The following APOBEC2 variants were observed in gnomAD, a reference collection of about 807,000 sequenced individuals.
APOBEC2 encodes the protein C->U-editing enzyme APOBEC-2.
A neutral mutation model predicts 19.4 loss-of-function variants in APOBEC2; 14 were observed. The ratio of observed to expected loss-of-function variants is 0.72; its 90% confidence interval spans 0.48 to 1.13. The LOEUF is 1.13. APOBEC2 is among the 50% of genes most tolerant of loss of function. The pLI is 0.00. For missense variants in APOBEC2, 304 were observed against 277.0 expected (o/e 1.10, Z -0.69); for synonymous variants, 127 against 112.1 (o/e 1.13, Z -0.84).
At chr6:41,061,949 G>T in intron 2 of APOBEC2, 57 bp downstream of exon 2, 1 of 1,456,122 alleles carries the variant, frequency 6.9e-7, no homozygotes, top group Non-Finnish European at 9.2e-7. Flanking sequence ...CCAGTAGAAG[G>T]TGTGAGGTCA....
rs776505763 is a variant in APOBEC2 at position 41,061,741 on chromosome 6, AG to A, written c.547del (p.Asp183ThrfsTer41). 111 of 1,614,120 alleles carry A rather than the reference AG, an allele frequency of 6.9e-5. No homozygotes were observed. Among genetic ancestry groups the A allele is most frequent in the Non-Finnish European group, 9.3e-5 (110 of 1,180,054 alleles). ...TGTAAACTGCGCATCATGAAGCCCC[AG>A]GACTTCGAATATGTCTGGCAGAATT... The part of the protein sequence containing the change: ...AGCKLRIMKP[Q>X]DFEYVWQNFV... On this transcript the variant is annotated frameshift_variant, in exon 2 of 3. Transcript: ENST00000244669. LOFTEE classifies it high-confidence loss of function.
Position 41,061,677 on chromosome 6 carries a change from G to C in APOBEC2, c.481G>C (p.Glu161Gln). Residue 161 changes from glutamate to glutamine, a missense_variant, in exon 2 of 3, where the codon GAG becomes CAG. Coordinates refer to ENST00000244669, the MANE Select transcript of APOBEC2 (RefSeq NM_006789.4). ...TCGACTCTTCATGTGGGAGGAGCCG[G>C]AGATCCAGGCTGCTCTGAAGAAGCT... ...VGRLFMWEEP[E>Q]IQAALKKLKE... The C allele has an allele frequency of 6.2e-7, 1 of 1,614,230 alleles. No homozygotes were observed. Among genetic ancestry groups the C allele is most frequent in the African/African-American group, 1.3e-5 (1 of 75,058 alleles).
In APOBEC2 at chr6:41,064,227, G is replaced by C. The variant is rs1439944602; in HGVS notation, c.*148G>C. 6.6e-6 allele frequency: 1 copy of C among 152,504 alleles called. No individual in the cohort carries two copies. The highest frequency in any genetic ancestry group is 6.6e-5 in the Admixed American group (1 of 15,258). 9.4% of individuals were successfully genotyped at this position (152,504 alleles called of 1,614,324 possible). ...CCAATCATACTGGACAAGGCCCTTAGAGGACTTGAAATATACTTCTCATGC... is the reference window on the plus strand; with the variant it reads ...CCAATCATACTGGACAAGGCCCTTACAGGACTTGAAATATACTTCTCATGC... On this transcript the variant is annotated 3_prime_UTR_variant, in exon 3 of 3. Coordinates refer to ENST00000244669, the MANE Select transcript of APOBEC2 (RefSeq NM_006789.4).
At chr6:41,054,515 G>C (rs889798815) in intron 1 of APOBEC2, among the ~76,000 whole-genome samples, 1 of 152,214 alleles carries the variant, frequency 6.6e-6, no homozygotes, top group Non-Finnish European at 1.5e-5. Flanking sequence ...TTTCCAGTCA[G>C]CCACAGTTTT....
At chr6:41,053,889 G>C (rs577090464) in intron 1 of APOBEC2, among the ~76,000 whole-genome samples, 10 of 152,316 alleles carry the variant, frequency 6.6e-5, no homozygotes, top group Admixed American at 5.2e-4. Flanking sequence ...CTCTGTTCCT[G>C]AGTGGGTCTC....
chr6:41,059,148 C>T (rs1418088110), intron 1 of APOBEC2, among the ~76,000 whole-genome samples: 4 of 152,180 alleles, frequency 2.6e-5, no homozygotes, highest in Non-Finnish European at 5.9e-5. Flanking sequence ...GCCAAATTCA[C>T]ACTGGCCTAA....
chr6:41,057,264 C>T (rs1762808855), intron 1 of APOBEC2, among the ~76,000 whole-genome samples: 1 of 152,168 alleles, frequency 6.6e-6, no homozygotes, highest in African/African-American at 2.4e-5. Flanking sequence ...TTAACACCAG[C>T]CACAGCCCTT....
At position 41,061,614 on chromosome 6, in the gene APOBEC2, A is replaced by G. The variant is rs759645495; in HGVS notation, c.418A>G (p.Ser140Gly). 6.2e-7 allele frequency: 1 copy of G among 1,614,212 alleles called. No individual in the cohort carries two copies. Among genetic ancestry groups the G allele is most frequent in the Admixed American group, 1.7e-5 (1 of 60,024 alleles). Residue 140 changes from serine to glycine, a missense_variant, in exon 2 of 3, where the codon AGC (serine) becomes GGC (glycine). Transcript: ENST00000244669. ...ACADRIIKTL[S>G]KTKNLRLLIL... ...TGCTGACCGCATTATCAAAACCCTTAGCAAGACCAAGAACCTGCGTCTGCT... is the reference window on the plus strand; with the variant it reads ...TGCTGACCGCATTATCAAAACCCTTGGCAAGACCAAGAACCTGCGTCTGCT...
intron 1 of APOBEC2, among the ~76,000 whole-genome samples, chr6:41,056,938 T>A (rs1160550833): frequency 6.6e-6 from 1 of 152,120 alleles, no homozygotes; most frequent in Non-Finnish European, 1.5e-5. Context: ...CAGCACGTTT[T>A]AGTAGAGCTC....
intron 1 of APOBEC2, among the ~76,000 whole-genome samples, chr6:41,054,612 C>T (rs1311441746): frequency 5.9e-5 from 9 of 152,194 alleles, no homozygotes; most frequent in Admixed American, 5.9e-4. Flanking sequence ...AGGGAAAATG[C>T]ATCCTATTTC....
intron 2 of APOBEC2, among the ~76,000 whole-genome samples, chr6:41,062,203 T>C (rs1335594346): frequency 6.6e-6 from 1 of 152,248 alleles, no homozygotes; most frequent in Admixed American, 6.5e-5. Context: ...TGCAAGCACC[T>C]GCTACTGAAC....
chr6:41,056,899 T>A (rs1762803845), intron 1 of APOBEC2, among the ~76,000 whole-genome samples: 1 of 152,110 alleles, frequency 6.6e-6, no homozygotes, highest in African/African-American at 2.4e-5. Context: ...TAGGTAAGAA[T>A]TCCCCTGGCT....
At chr6:41,061,180 T>A in intron 1 of APOBEC2, 148 bp from the exon 2 acceptor site, 1 of 271,942 alleles carries the variant, frequency 3.7e-6, no homozygotes, top group African/African-American at 4.4e-5. Flanking sequence ...TTTTTTTTTG[T>A]CACTGATGTT....
At chr6:41,059,274 ACCTGATAATCCATCATATAGGTGGC>A (rs903879661) in intron 1 of APOBEC2, among the ~76,000 whole-genome samples, 1 of 152,194 alleles carries the variant, frequency 6.6e-6, no homozygotes, top group African/African-American at 2.4e-5. Flanking sequence ...CCAGGGTTCC[ACCTGATAATCCATCATATAGGTGGC>A]CCTGGATTAG....
At chr6:41,062,136 C>T (rs541018282) in intron 2 of APOBEC2, among the ~76,000 whole-genome samples, 1 of 152,336 alleles carries the variant, frequency 6.6e-6, no homozygotes, top group East Asian at 1.9e-4. Context: ...TCAAGGTTGA[C>T]AGGAATCCTA....
intron 1 of APOBEC2, among the ~76,000 whole-genome samples, chr6:41,059,048 G>C (rs1433316741): frequency 6.6e-6 from 1 of 152,180 alleles, no homozygotes. Context: ...GCCTAGGGAA[G>C]AGGAGGAGGG....
At chr6:41,063,533 G>GC (rs1159397989) in intron 2 of APOBEC2, among the ~76,000 whole-genome samples, 2 of 80,718 alleles carry the variant, frequency 2.5e-5, no homozygotes, top group East Asian at 4.6e-4. Context: ...AGTCCTTAGA[G>GC]CTTTTTTTTT....
chr6:41,061,455 C>G lies in APOBEC2; in HGVS notation c.259C>G (p.Arg87Gly). ...QGKGGQVQAS[R>G]GYLEDEHAAA... ...CAAGGGGGGCCAAGTGCAGGCATCTCGGGGATACCTAGAGGATGAGCATGC... is the reference window on the plus strand; with the variant it reads ...CAAGGGGGGCCAAGTGCAGGCATCTGGGGGATACCTAGAGGATGAGCATGC... The change falls in exon 2 of 3, where the codon CGG becomes GGG. Residue 87 changes from arginine (R) to glycine (G), a missense_variant. Coordinates refer to ENST00000244669, the MANE Select transcript of APOBEC2 (RefSeq NM_006789.4). The G allele has an allele frequency of 6.2e-7, 1 of 1,613,574 alleles. No homozygotes were observed. Among genetic ancestry groups the G allele is most frequent in the Non-Finnish European group, 8.5e-7 (1 of 1,179,772 alleles).
chr6:41,058,879 A>G (rs1762837238), intron 1 of APOBEC2, among the ~76,000 whole-genome samples: 1 of 152,180 alleles, frequency 6.6e-6, no homozygotes, highest in Non-Finnish European at 1.5e-5. Context: ...GCTCCTTGAA[A>G]GCACTTCTTT....
Sources: allele counts gnomAD v4.1 joint callset (sites outside exome capture counted in the v4.1 genomes callset), GRCh38; gene constraint gnomAD v4.1.1; transcripts MANE v1.5; gene names NCBI Gene and HGNC (gene_info 2026-07-23, HGNC 2026-07-21).